The following CCDC178 variants were observed in gnomAD, a reference collection of about 807,000 sequenced individuals.
CCDC178 encodes coiled-coil domain containing 178.
CCDC178 carries 126 observed loss-of-function variants against 117.4 expected under a neutral mutation model. That is an observed-to-expected ratio of 1.07 (90% CI 0.93 to 1.24). CCDC178 has a LOEUF of 1.24. CCDC178 is among the 50% of genes most tolerant of loss of function. The pLI is 0.00. For missense variants in CCDC178, 1,030 were observed against 986.9 expected (o/e 1.04, Z -0.59); for synonymous variants, 283 against 313.4 (o/e 0.90, Z 1.02).
chr18:33,106,464 C>T (rs998229717), intron 20 of CCDC178, among the ~76,000 whole-genome samples: 38 of 151,674 alleles, frequency 2.5e-4, no homozygotes, highest in Non-Finnish European at 3.8e-4. Context: ...CACATGCAGT[C>T]AGGCACTGAA....
chr18:33,300,946 G>C (rs1165782989), intron 11 of CCDC178, among the ~76,000 whole-genome samples: 1 of 152,202 alleles, frequency 6.6e-6, no homozygotes, highest in African/African-American at 2.4e-5. Context: ...GACTAAAAGA[G>C]AGCAAAGTGC....
At chr18:33,355,970 CA>C (rs886783714) in intron 7 of CCDC178, among the ~76,000 whole-genome samples, 2 of 152,182 alleles carry the variant, frequency 1.3e-5, no homozygotes, top group Non-Finnish European at 2.9e-5. Context: ...AGGCAAATTA[CA>C]ATGCCACAGT....
chr18:33,007,640 G>A (rs1192508821), intron 21 of CCDC178, among the ~76,000 whole-genome samples: 4 of 152,092 alleles, frequency 2.6e-5, no homozygotes, highest in Non-Finnish European at 5.9e-5. Flanking sequence ...GATAGGGGTA[G>A]TTGTAGCTAC....
chr18:33,138,164 T>TTATG (rs1215069631), intron 20 of CCDC178, among the ~76,000 whole-genome samples: 2 of 152,214 alleles, frequency 1.3e-5, no homozygotes, highest in Non-Finnish European at 2.9e-5. Context: ...TGTATAAATG[T>TTATG]TATGCTCTGT....
intron 21 of CCDC178, among the ~76,000 whole-genome samples, chr18:32,999,809 G>A (rs2055595268): frequency 6.6e-6 from 1 of 152,068 alleles, no homozygotes; most frequent in South Asian, 2.1e-4. Context: ...TGTAGATATG[G>A]CTATAGATAC....
intron 2 of CCDC178, among the ~76,000 whole-genome samples, chr18:33,430,881 G>C (rs1011310724): frequency 2.0e-5 from 3 of 151,186 alleles, no homozygotes; most frequent in African/African-American, 7.3e-5. Flanking sequence ...GACCAGCCTG[G>C]CCAACATGGT....
At chr18:33,398,332 C>G (rs1485262642) in intron 3 of CCDC178, among the ~76,000 whole-genome samples, 2 of 151,892 alleles carry the variant, frequency 1.3e-5, no homozygotes, top group Non-Finnish European at 2.9e-5. Flanking sequence ...GAAAAGCTAT[C>G]AGATAATTTT....
chr18:33,058,331 T>A (rs1405384970), intron 21 of CCDC178, among the ~76,000 whole-genome samples: 4 of 152,296 alleles, frequency 2.6e-5, no homozygotes, highest in Middle Eastern at 3.4e-3. Flanking sequence ...AGTAATGAAG[T>A]ACGTAAAAAT....
At chr18:32,940,919 T>C (rs576643694) in intron 22 of CCDC178, among the ~76,000 whole-genome samples, 4 of 152,156 alleles carry the variant, frequency 2.6e-5, no homozygotes, top group Admixed American at 2.6e-4. Context: ...AAGAACGTTC[T>C]TGAGGTGCTC....
intron 21 of CCDC178, among the ~76,000 whole-genome samples, chr18:33,003,074 C>A (rs1164501892): frequency 6.6e-6 from 1 of 152,030 alleles, no homozygotes; most frequent in Non-Finnish European, 1.5e-5. Flanking sequence ...CCTGATGGCA[C>A]CACTGCTGAA....
intron 3 of CCDC178, among the ~76,000 whole-genome samples, chr18:33,405,101 C>A (rs1314928035): frequency 6.6e-6 from 1 of 151,894 alleles, no homozygotes; most frequent in Non-Finnish European, 1.5e-5. Flanking sequence ...AAATTTTATG[C>A]TATGTGAATT....
intron 20 of CCDC178, among the ~76,000 whole-genome samples, chr18:33,194,931 A>G (rs2058909790): frequency 1.4e-5 from 2 of 139,960 alleles, no homozygotes; most frequent in African/African-American, 2.8e-5. Context: ...AGAGAGAGAG[A>G]GGGAGAGAGA....
chr18:33,391,364 G>C (rs925198827), intron 4 of CCDC178, among the ~76,000 whole-genome samples: 14 of 151,662 alleles, frequency 9.2e-5, no homozygotes, highest in Non-Finnish European at 1.6e-4. Flanking sequence ...AAAAATATAG[G>C]GGAAAATCTA....
intron 21 of CCDC178, among the ~76,000 whole-genome samples, chr18:33,006,740 A>T (rs1028024344): frequency 6.6e-6 from 1 of 152,012 alleles, no homozygotes; most frequent in African/African-American, 2.4e-5. Context: ...ATAAGAAGGG[A>T]GTCTCCTTTT....
At chr18:33,220,102 A>T (rs2059213040) in intron 18 of CCDC178, among the ~76,000 whole-genome samples, 1 of 151,986 alleles carries the variant, frequency 6.6e-6, no homozygotes, top group Non-Finnish European at 1.5e-5. Context: ...ACTTGGGGGT[A>T]AAATTTAGAT....
intron 20 of CCDC178, among the ~76,000 whole-genome samples, chr18:33,130,906 T>C (rs991624593): frequency 6.6e-6 from 1 of 151,944 alleles, no homozygotes; most frequent in Non-Finnish European, 1.5e-5. Flanking sequence ...TCCTTTGCCC[T>C]GGCTGTCAGC....
At chr18:32,957,673 C>A (rs947489012) in intron 22 of CCDC178, 4 of 152,064 alleles carry the variant, frequency 2.6e-5, no homozygotes, top group African/African-American at 9.7e-5. Context: ...GAAATATGCC[C>A]AACAGAGTAA....
intron 20 of CCDC178, among the ~76,000 whole-genome samples, chr18:33,130,636 T>G (rs1220035015): frequency 1.3e-5 from 2 of 151,946 alleles, no homozygotes; most frequent in Non-Finnish European, 2.9e-5. Context: ...GGTAGAAATA[T>G]CAAGAAATTA....
intron 20 of CCDC178, among the ~76,000 whole-genome samples, chr18:33,196,175 G>A (rs1442615138): frequency 6.6e-6 from 1 of 152,104 alleles, no homozygotes; most frequent in African/African-American, 2.4e-5. Context: ...CCAACCTCTG[G>A]AAAAACTAAC....
Sources: allele counts gnomAD v4.1 joint callset (sites outside exome capture counted in the v4.1 genomes callset), GRCh38; gene constraint gnomAD v4.1.1; transcripts MANE v1.5; gene names NCBI Gene and HGNC (gene_info 2026-07-23, HGNC 2026-07-21).